Variants in CPB1 observed in about 807,000 individuals in gnomAD.
CPB1 encodes carboxypeptidase B.
In CPB1, 53 loss-of-function variants were observed where a neutral mutation model predicts 51.4. That is an observed-to-expected ratio of 1.03 (90% CI 0.83 to 1.30). CPB1 has a LOEUF of 1.30. Among genes scored for constraint, CPB1 ranks in the 50% most tolerant of loss-of-function variants. The probability of loss-of-function intolerance (pLI) is 0.00; values close to 1 mark genes in which losing one functional copy is unlikely to be tolerated. For missense variants in CPB1, 494 were observed against 516.2 expected (o/e 0.96, Z 0.42); for synonymous variants, 189 against 186.9 (o/e 1.01, Z -0.09).
intron 9 of CPB1, among the ~76,000 whole-genome samples, chr3:148,852,414 G>C (rs1713458385): frequency 6.6e-6 from 1 of 152,090 alleles, no homozygotes; most frequent in South Asian, 2.1e-4. Context: ...ACAATGCACA[G>C]AACAGCCCTC....
intron 9 of CPB1, among the ~76,000 whole-genome samples, chr3:148,848,910 CA>C (rs1284274866): frequency 6.6e-6 from 1 of 152,174 alleles, no homozygotes; most frequent in Non-Finnish European, 1.5e-5. Flanking sequence ...TTCCCATTTG[CA>C]AACTGCTTTT....
intron 2 of CPB1, among the ~76,000 whole-genome samples, chr3:148,833,080 T>G (rs1712788731): frequency 6.6e-6 from 1 of 152,192 alleles, no homozygotes; most frequent in African/African-American, 2.4e-5. Flanking sequence ...TCCACAATGT[T>G]GGCTAACTAG....
At chr3:148,855,071 A>T (rs1034437564) in intron 9 of CPB1, 1 of 152,260 alleles carries the variant, frequency 6.6e-6, no homozygotes, top group African/African-American at 2.4e-5. Context: ...ACGGGAATGC[A>T]CAACAAATAA....
At chr3:148,857,740 A>G (rs1034766004) in intron 10 of CPB1, 199 bp downstream of exon 10, 1 of 459,214 alleles carries the variant, frequency 2.2e-6, no homozygotes, top group Admixed American at 3.9e-5. Context: ...ACTTTTCTCT[A>G]AAAAAAATTA....
chr3:148,847,069 A>G (rs1713279543), intron 9 of CPB1, among the ~76,000 whole-genome samples: 1 of 150,620 alleles, frequency 6.6e-6, no homozygotes, highest in Admixed American at 6.6e-5. Context: ...AGTCATAACT[A>G]CATACTAATG....
At position 148,844,473 on chromosome 3, in the gene CPB1, T is replaced by C; in HGVS notation, c.577-5T>C. 1.2e-6 allele frequency: 2 copies of C among 1,605,762 alleles called. No individual in the cohort carries two copies. The highest frequency in any genetic ancestry group is 1.3e-5 in the African/African-American group (1 of 74,834). Reference sequence around the variant, plus strand: ...ATGAAATTCCTCTTCATAATTCACATACAGGCTGTTCGTACCTATGGACGT... The same window carrying C: ...ATGAAATTCCTCTTCATAATTCACACACAGGCTGTTCGTACCTATGGACGT... On this transcript the variant is annotated splice_region_variant and splice_polypyrimidine_tract_variant and intron_variant, in intron 6 of 10. Coordinates refer to ENST00000282957, the MANE Select transcript of CPB1 (RefSeq NM_001871.3).
chr3:148,832,492 G>A (rs1260083064), intron 2 of CPB1, among the ~76,000 whole-genome samples: 2 of 152,112 alleles, frequency 1.3e-5, no homozygotes, highest in South Asian at 2.1e-4. Context: ...TCTGGGAAGT[G>A]CAGGGAGCCC....
intron 2 of CPB1, among the ~76,000 whole-genome samples, chr3:148,833,945 C>T (rs967383946): frequency 6.4e-5 from 9 of 140,480 alleles, no homozygotes; most frequent in African/African-American, 1.8e-4. Context: ...AATTTGTCTC[C>T]AGCCACAGTG....
At chr3:148,834,773 C>T in intron 3 of CPB1, 151 bp downstream of exon 3, 1 of 675,336 alleles carries the variant, frequency 1.5e-6, no homozygotes, top group Non-Finnish European at 2.4e-6. Flanking sequence ...GCCCTGGATT[C>T]CAAGTCTTAA....
chr3:148,854,410 T>C (rs1275883489), intron 9 of CPB1: 1 of 152,234 alleles, frequency 6.6e-6, no homozygotes, highest in African/African-American at 2.4e-5. Flanking sequence ...TAATGTCTGT[T>C]CTGACTTTTT....
In CPB1 at chr3:148,846,797, G is replaced by GTGTATGTATA. The variant is rs1364486523; in HGVS notation, c.981+1172_981+1173insGTATGTATAT. On this transcript the variant is annotated intron_variant, in intron 9 of 10. Transcript: ENST00000282957. ...CACATATATATGTGTGTGTGCGTGT[G>GTGTATGTATA]TATATATATATATATATATATATAT... is the stretch of plus-strand genomic sequence containing the variant. Among the ~76,000 whole-genome samples the GTGTATGTATA allele has an allele frequency of 5.2e-3, 261 of 50,424 alleles. 1 individual carries two copies. Among genetic ancestry groups the GTGTATGTATA allele is most frequent in the African/African-American group, 6.7e-3 (118 of 17,720 alleles). The allele number at this position is 50,424 out of a possible 152,430, so 33.1% of individuals were successfully genotyped here. A position where few individuals can be genotyped will look rare whatever the true frequency, so the allele number is the denominator to read the frequency against.
At chr3:148,847,071 A>C (rs1395724585) in intron 9 of CPB1, among the ~76,000 whole-genome samples, 1 of 150,650 alleles carries the variant, frequency 6.6e-6, no homozygotes, top group Non-Finnish European at 1.5e-5. Context: ...TCATAACTAC[A>C]TACTAATGAG....
At position 148,841,924 on chromosome 3, in the gene CPB1, G is replaced by C. The variant is rs759928901; in HGVS notation, c.576G>C (p.Glu192Asp). The C allele has an allele frequency of 5.0e-6, 8 of 1,608,142 alleles. No homozygotes were observed. The highest frequency in any genetic ancestry group is 4.5e-5 in the East Asian group (2 of 44,850). The change falls in exon 6 of 11, where the codon GAG becomes GAC. Residue 192 changes from glutamate (E) to aspartate (D), a missense_variant and splice_region_variant. Coordinates refer to ENST00000282957, the MANE Select transcript of CPB1 (RefSeq NM_001871.3). Reference protein sequence around the residue: ...SPAFCQWFVREAVRTYGREIQ... With the variant: ...SPAFCQWFVRDAVRTYGREIQ... ...CATTCTGCCAGTGGTTTGTAAGAGAGGTCAGTGTGTAGAGTGGTTTTTGGC... is the reference window on the plus strand; with the variant it reads ...CATTCTGCCAGTGGTTTGTAAGAGACGTCAGTGTGTAGAGTGGTTTTTGGC...
intron 10 of CPB1, 117 bp from the exon 11 acceptor site, chr3:148,859,698 G>T: frequency 1.1e-6 from 1 of 895,536 alleles, no homozygotes; most frequent in Non-Finnish European, 1.7e-6. Context: ...CTAGAAAATT[G>T]GCCTACTCAA....
At chr3:148,849,712 A>C (rs954132462) in intron 9 of CPB1, among the ~76,000 whole-genome samples, 1 of 152,260 alleles carries the variant, frequency 6.6e-6, no homozygotes, top group African/African-American at 2.4e-5. Context: ...AATCCAGGGC[A>C]TGTGTCTTGC....
At chr3:148,834,982 G>T (rs748087499) in intron 3 of CPB1, among the ~76,000 whole-genome samples, 2 of 152,096 alleles carry the variant, frequency 1.3e-5, no homozygotes, top group African/African-American at 2.4e-5. Flanking sequence ...TTCTTTCCAG[G>T]GGATCAGCGA....
intron 9 of CPB1, among the ~76,000 whole-genome samples, chr3:148,850,115 T>TGA (rs1440776016): frequency 6.6e-6 from 1 of 152,184 alleles, no homozygotes; most frequent in Non-Finnish European, 1.5e-5. Flanking sequence ...CCCATTCTTT[T>TGA]GAGAGATATA....
intron 2 of CPB1, among the ~76,000 whole-genome samples, chr3:148,831,237 T>C (rs80271132): frequency 5.3e-5 from 8 of 152,324 alleles, no homozygotes; most frequent in African/African-American, 1.9e-4. Flanking sequence ...GAAGTCTGTG[T>C]TTCTCAAATT....
At chr3:148,836,636 A>G (rs973603373) in intron 3 of CPB1, among the ~76,000 whole-genome samples, 1 of 152,210 alleles carries the variant, frequency 6.6e-6, no homozygotes, top group Non-Finnish European at 1.5e-5. Flanking sequence ...CATCTAGAAC[A>G]TAGGACATCC....
Sources: allele counts gnomAD v4.1 joint callset (sites outside exome capture counted in the v4.1 genomes callset), GRCh38; gene constraint gnomAD v4.1.1; transcripts MANE v1.5; gene names NCBI Gene and HGNC (gene_info 2026-07-23, HGNC 2026-07-21).